The following TMPRSS11A variants were observed in gnomAD, a reference collection of about 807,000 sequenced individuals.
TMPRSS11A encodes the protein transmembrane serine protease 11A.
Under a neutral mutation model 58.9 loss-of-function variants are expected in TMPRSS11A, and 53 were observed. The ratio of observed to expected loss-of-function variants is 0.90; its 90% confidence interval spans 0.72 to 1.13. The LOEUF (loss-of-function observed/expected upper bound fraction) is 1.13. Ranked by LOEUF, TMPRSS11A falls within the 50% of genes most tolerant of loss-of-function variation. TMPRSS11A has a pLI of 0.00. For missense variants in TMPRSS11A, 493 were observed against 499.3 expected (o/e 0.99, Z 0.12); for synonymous variants, 167 against 169.8 (o/e 0.98, Z 0.13).
chr4:67,947,899 C>T (rs1160416720), intron 1 of TMPRSS11A, among the ~76,000 whole-genome samples: 3 of 152,138 alleles, frequency 2.0e-5, no homozygotes, highest in African/African-American at 7.2e-5. Context: ...CAACATTACA[C>T]AGGAAATAAC....
At chr4:67,951,519 C>T (rs1204844803) in intron 1 of TMPRSS11A, among the ~76,000 whole-genome samples, 4 of 152,058 alleles carry the variant, frequency 2.6e-5, no homozygotes, top group African/African-American at 4.8e-5. Flanking sequence ...CCACTTTGGC[C>T]ACTCCAAGAT....
chr4:67,929,814 T>A (rs1433744095), intron 5 of TMPRSS11A, 66 bp downstream of exon 5: 2 of 1,326,962 alleles, frequency 1.5e-6, no homozygotes, highest in East Asian at 4.7e-5. Context: ...GACAAATAAA[T>A]TTGAGATTCG....
Position 67,934,158 on chromosome 4 carries a change from T to A in TMPRSS11A, c.253-2098A>T, listed in dbSNP as rs1720696760. 2.6e-5 allele frequency among the ~76,000 whole-genome samples: 4 copies of A among 152,120 alleles called. No individual in the cohort carries two copies. In the South Asian group the frequency reaches 8.3e-4, roughly 32 times the overall value. The stretch of plus-strand genomic sequence containing the variant: ...GACTCTCTCTCTAGAAAAGTCTCAT[T>A]TACTACATCGGAGGAGGCCTTAGAA... On this transcript the variant is annotated intron_variant, in intron 3 of 9. Transcript: ENST00000508048.
chr4:67,944,680 A>G, intron 2 of TMPRSS11A, 43 bp from the exon 3 acceptor site: 1 of 1,567,526 alleles, frequency 6.4e-7, no homozygotes, highest in Non-Finnish European at 8.7e-7. Context: ...GGTTTGGACA[A>G]AGATTTCAGA....
chr4:67,925,242 G>A (rs1439839882), intron 5 of TMPRSS11A, among the ~76,000 whole-genome samples: 1 of 152,052 alleles, frequency 6.6e-6, no homozygotes, highest in African/African-American at 2.4e-5. Context: ...TTGTATACAT[G>A]TATCAAAGCA....
At chr4:67,949,381 G>A (rs914091378) in intron 1 of TMPRSS11A, among the ~76,000 whole-genome samples, 6 of 152,180 alleles carry the variant, frequency 3.9e-5, no homozygotes, top group Non-Finnish European at 8.8e-5. Context: ...GCAGACTAGG[G>A]TGATAAGTTG....
In TMPRSS11A at chr4:67,911,178, A is replaced by G; in HGVS notation, c.*164T>C. Reference sequence around the variant, plus strand: ...AAAGTCCCTTATAAATTGGCTAAGGATTATTGGTTGATTAAAGTGATTCTA... The same window carrying G: ...AAAGTCCCTTATAAATTGGCTAAGGGTTATTGGTTGATTAAAGTGATTCTA... On this transcript the variant is annotated 3_prime_UTR_variant, in exon 10 of 10. Transcript: ENST00000508048. 3.3e-6 allele frequency: 2 copies of G among 598,990 alleles called. No homozygotes were observed. The highest frequency in any genetic ancestry group is 5.5e-6 in the Non-Finnish European group (2 of 361,824). 37.1% of individuals were successfully genotyped at this position (598,990 alleles called of 1,614,324 possible).
At chr4:67,922,081 G>T (rs1011938312) in intron 7 of TMPRSS11A, among the ~76,000 whole-genome samples, 2 of 152,162 alleles carry the variant, frequency 1.3e-5, no homozygotes, top group East Asian at 3.8e-4. Context: ...CTTCACTTCA[G>T]CTTTGTCTTT....
rs1361542816 is a variant in TMPRSS11A at position 67,931,761 on chromosome 4, A to G, written c.320+232T>C. Among the ~76,000 whole-genome samples, 3 of 152,190 alleles carry G rather than the reference A, an allele frequency of 2.0e-5. No individual in the cohort carries two copies. In the East Asian group the frequency reaches 5.8e-4, roughly 29 times the overall value. ...GATTCCTGGTTCTGTCACTTTGGGA[A>G]ACTGTCAGTTGGTGAACTTTGAACA... On this transcript the variant is annotated intron_variant, in intron 4 of 9. Transcript: ENST00000508048.
At chr4:67,942,545 G>T (rs1720905356) in intron 3 of TMPRSS11A, among the ~76,000 whole-genome samples, 2 of 152,140 alleles carry the variant, frequency 1.3e-5, no homozygotes, top group South Asian at 4.1e-4. Context: ...CCCAGCCTAT[G>T]GTACTTTTTG....
chr4:67,947,418 C>T (rs9995515), intron 1 of TMPRSS11A, among the ~76,000 whole-genome samples: 99,939 of 149,410 alleles, frequency 0.67, 36,761 homozygotes, highest in Non-Finnish European at 0.83. Flanking sequence ...TGACATTGAC[C>T]ATTGAAGAGA....
At chr4:67,920,190 G>T (rs528571052) in intron 7 of TMPRSS11A, among the ~76,000 whole-genome samples, 55 of 152,212 alleles carry the variant, frequency 3.6e-4, no homozygotes, top group African/African-American at 1.3e-3. Flanking sequence ...AAATCATTTA[G>T]TAGCAATGAA....
chr4:67,935,285 T>A (rs745665469), intron 3 of TMPRSS11A, among the ~76,000 whole-genome samples: 1 of 152,166 alleles, frequency 6.6e-6, no homozygotes, highest in East Asian at 1.9e-4. Context: ...CTTTCAGGCA[T>A]GGCCCTCATT....
intron 3 of TMPRSS11A, among the ~76,000 whole-genome samples, chr4:67,939,900 G>A (rs1705740855): frequency 6.6e-6 from 1 of 152,086 alleles, no homozygotes; most frequent in Admixed American, 6.6e-5. Flanking sequence ...TGTTGGCCAG[G>A]TTGGTCTCGA....
chr4:67,924,250 A>C, intron 5 of TMPRSS11A, 84 bp from the exon 6 acceptor site: 2 of 1,109,850 alleles, frequency 1.8e-6, no homozygotes, highest in Non-Finnish European at 1.4e-6. Context: ...GAGGATACTG[A>C]CCATATATGG....
chr4:67,953,577 T>C (rs1277705927), intron 1 of TMPRSS11A, among the ~76,000 whole-genome samples: 1 of 152,148 alleles, frequency 6.6e-6, no homozygotes, highest in Non-Finnish European at 1.5e-5. Flanking sequence ...GGTGGGCAGA[T>C]CATGTGAGGT....
chr4:67,963,321 G>C lies in TMPRSS11A; in HGVS notation c.11+62C>G. 1.9e-6 allele frequency: 3 copies of C among 1,583,692 alleles called. No homozygotes were observed. In the South Asian group the frequency reaches 3.3e-5, roughly 18 times the overall value. On this transcript the variant is annotated intron_variant, in intron 1 of 9. Coordinates refer to ENST00000508048, the MANE Select transcript of TMPRSS11A (RefSeq NM_001114387.2). ...CACTAGCAGTCCTCTTACACATCAG[G>C]AATCCGGCCACTGACAGACAGTACA...
At chr4:67,942,875 A>G (rs1316971478) in intron 3 of TMPRSS11A, among the ~76,000 whole-genome samples, 1 of 152,222 alleles carries the variant, frequency 6.6e-6, no homozygotes, top group Admixed American at 6.5e-5. Flanking sequence ...TTAGTAACAT[A>G]TATCTTTTAA....
At chr4:67,921,721 A>G (rs985009765) in intron 7 of TMPRSS11A, among the ~76,000 whole-genome samples, 2 of 152,220 alleles carry the variant, frequency 1.3e-5, no homozygotes, top group African/African-American at 2.4e-5. Flanking sequence ...ATAGGTCAAA[A>G]AGAATGTGAA....
Sources: allele counts gnomAD v4.1 joint callset (sites outside exome capture counted in the v4.1 genomes callset), GRCh38; gene constraint gnomAD v4.1.1; transcripts MANE v1.5; gene names NCBI Gene and HGNC (gene_info 2026-07-23, HGNC 2026-07-21).